Variants in MAPK10 observed in about 807,000 individuals in gnomAD.
MAPK10 encodes the protein JNK3 alpha protein kinase.
A neutral mutation model predicts 59.3 loss-of-function variants in MAPK10; 25 were observed. The ratio of observed to expected loss-of-function variants is 0.42; its 90% CI spans 0.31 to 0.59. The LOEUF is 0.59. MAPK10 is among the 20% of genes least tolerant of loss of function. The pLI is 0.15. For missense variants in MAPK10, 351 were observed against 568.9 expected (o/e 0.62, Z 3.90); for synonymous variants, 190 against 200.5 (o/e 0.95, Z 0.44).
intron 1 of MAPK10, among the ~76,000 whole-genome samples, chr4:86,512,421 C>T (rs1756349636): frequency 6.6e-6 from 1 of 152,118 alleles, no homozygotes; most frequent in African/African-American, 2.4e-5. Context: ...GGTTTCCAGC[C>T]TTATAGTGAG....
intron 2 of MAPK10, among the ~76,000 whole-genome samples, chr4:86,226,494 T>C (rs1272837083): frequency 1.3e-5 from 2 of 152,206 alleles, no homozygotes; most frequent in African/African-American, 4.8e-5. Context: ...ATGCCAGAGT[T>C]TAAAGATATT....
Position 86,035,606 on chromosome 4 carries a change from CA to C in MAPK10, c.1111-4176del, listed in dbSNP as rs555480924. Among the ~76,000 whole-genome samples, 361 of 151,212 alleles carry C rather than the reference CA, an allele frequency of 2.4e-3. 3 individuals are homozygous for C. The highest frequency in any genetic ancestry group is 8.3e-3 in the African/African-American group (341 of 41,240). Reference sequence around the variant, plus strand: ...AAAAGATGAGGGTGAACGAAAGACACAGATTCAGGAATAATTAATAAATGTT... The same window carrying C: ...AAAAGATGAGGGTGAACGAAAGACACGATTCAGGAATAATTAATAAATGTT... On this transcript the variant is annotated intron_variant, in intron 11 of 13. Coordinates refer to ENST00000641462, the MANE Select transcript of MAPK10 (RefSeq NM_138982.4).
At chr4:86,409,334 G>C (rs1744820698) in intron 1 of MAPK10, among the ~76,000 whole-genome samples, 1 of 152,198 alleles carries the variant, frequency 6.6e-6, no homozygotes, top group Non-Finnish European at 1.5e-5. Flanking sequence ...CAGGTAGTAT[G>C]ATGCCTCCAG....
At chr4:86,078,819 G>A (rs1376724646) in intron 9 of MAPK10, among the ~76,000 whole-genome samples, 3 of 151,848 alleles carry the variant, frequency 2.0e-5, no homozygotes, top group East Asian at 1.9e-4. Context: ...GAGAAACCCC[G>A]TCTCTACTAA....
At chr4:86,051,900 C>A (rs919775304) in intron 11 of MAPK10, among the ~76,000 whole-genome samples, 1 of 151,882 alleles carries the variant, frequency 6.6e-6, no homozygotes, top group African/African-American at 2.4e-5. Context: ...AAATAAATAT[C>A]GCAAAGGAAG....
intron 1 of MAPK10, among the ~76,000 whole-genome samples, chr4:86,511,075 T>C (rs1455516715): frequency 2.0e-5 from 3 of 152,254 alleles, no homozygotes; most frequent in Non-Finnish European, 4.4e-5. Context: ...ATGTTTGAGG[T>C]GATGGATATC....
At chr4:86,519,209 G>C (rs775139730) in intron 1 of MAPK10, among the ~76,000 whole-genome samples, 6 of 152,112 alleles carry the variant, frequency 3.9e-5, no homozygotes, top group Non-Finnish European at 8.8e-5. Flanking sequence ...GCTTTCAGTG[G>C]AGTATCGAAG....
rs1040370059 is a variant in MAPK10 at position 86,316,973 on chromosome 4, C to A, written c.-7+37557G>T. On this transcript the variant is annotated intron_variant, in intron 2 of 13. Transcript: ENST00000641462. ...ATACTCAAAATTTTTTAACCATGTG[C>A]GAGCCTTACTAAACATGGATTTATC... Among the ~76,000 whole-genome samples, 13 of 152,140 alleles carry A rather than the reference C, an allele frequency of 8.5e-5. No individual in the cohort carries two copies. The East Asian group carries it at 2.5e-3, about 29-fold the overall frequency.
intron 13 of MAPK10, among the ~76,000 whole-genome samples, chr4:86,018,742 T>A (rs1257385837): frequency 6.6e-6 from 1 of 152,208 alleles, no homozygotes; most frequent in African/African-American, 2.4e-5. Context: ...CTATTAAAAA[T>A]CTGTAGTATA....
chr4:86,067,856 C>T lies in MAPK10; in HGVS notation c.902G>A (p.Arg301Gln). 6.2e-7 allele frequency: 1 copy of T among 1,613,932 alleles called. No individual in the cohort carries two copies. The change falls in exon 10 of 14, where the codon CGG becomes CAG. Residue 301 changes from arginine to glutamine, a missense_variant. Around this residue, in one of 5 missense-constraint regions of MAPK10, gnomAD observed 155 missense variants for 204.2 expected, o/e 0.76. Coordinates refer to ENST00000641462, the MANE Select transcript of MAPK10 (RefSeq NM_138982.4). ...GAAGGTGAGTCCCGCATACTTGGGC[C>T]GATTCTCCACATAGTTTCTTACTGT... ...QPTVRNYVENRPKYAGLTFPK... is the reference protein window; with the variant it reads ...QPTVRNYVENQPKYAGLTFPK...
At chr4:86,359,267 TCTC>T (rs1736081050) in intron 1 of MAPK10, among the ~76,000 whole-genome samples, 1 of 79,054 alleles carries the variant, frequency 1.3e-5, no homozygotes. Context: ...TTTTTTCCTC[TCTC>T]TCTCTCTCTC....
intron 2 of MAPK10, among the ~76,000 whole-genome samples, chr4:86,354,128 G>C (rs1733191619): frequency 6.6e-6 from 1 of 151,886 alleles, no homozygotes; most frequent in Admixed American, 6.6e-5. Context: ...GTGTGTTCCT[G>C]AAAGAAAACC....
At chr4:86,528,354 AC>A (rs968481471) in intron 1 of MAPK10, among the ~76,000 whole-genome samples, 17 of 152,264 alleles carry the variant, frequency 1.1e-4, no homozygotes, top group South Asian at 6.2e-4. Context: ...GAAAAAAAAA[AC>A]AACATAAAAA....
intron 1 of MAPK10, among the ~76,000 whole-genome samples, chr4:86,530,010 C>T (rs1391870042): frequency 2.0e-5 from 3 of 150,572 alleles, no homozygotes; most frequent in Non-Finnish European, 4.4e-5. Flanking sequence ...TATTAATCTA[C>T]TCAAGGGGCT....
chr4:86,311,298 T>C (rs1443270050), intron 2 of MAPK10, among the ~76,000 whole-genome samples: 2 of 152,188 alleles, frequency 1.3e-5, no homozygotes, highest in East Asian at 3.9e-4. Context: ...TATTCATTAG[T>C]TTTATAGATA....
At chr4:86,346,519 G>A (rs1227140486) in intron 2 of MAPK10, among the ~76,000 whole-genome samples, 1 of 152,086 alleles carries the variant, frequency 6.6e-6, no homozygotes, top group Non-Finnish European at 1.5e-5. Flanking sequence ...TAAATCTGCG[G>A]ATGTGAAACT....
chr4:86,333,382 A>C (rs765038466), intron 2 of MAPK10, among the ~76,000 whole-genome samples: 2 of 152,092 alleles, frequency 1.3e-5, no homozygotes, highest in Non-Finnish European at 2.9e-5. Context: ...GAATTCTCCT[A>C]GTCCTAGCTC....
intron 2 of MAPK10, among the ~76,000 whole-genome samples, chr4:86,308,365 G>T (rs1412470940): frequency 6.6e-6 from 1 of 152,070 alleles, no homozygotes. Flanking sequence ...TGAAACATCT[G>T]GCATTATCCT....
At chr4:86,182,174 C>T (rs1396709133) in intron 3 of MAPK10, among the ~76,000 whole-genome samples, 1 of 151,934 alleles carries the variant, frequency 6.6e-6, no homozygotes, top group Non-Finnish European at 1.5e-5. Flanking sequence ...CAAGAAGCCT[C>T]TTGCCTTCAA....
Sources: allele counts gnomAD v4.1 joint callset (sites outside exome capture counted in the v4.1 genomes callset), GRCh38; gene constraint gnomAD v4.1.1; regional missense constraint gnomAD v4.1.1; transcripts MANE v1.5; gene names NCBI Gene and HGNC (gene_info 2026-07-23, HGNC 2026-07-21).